NTM: variants seen among roughly 807,000 people sequenced by gnomAD.
NTM encodes IgLON family member 2.
In NTM, 13 loss-of-function variants were observed where a neutral mutation model predicts 42.1. The ratio of observed to expected loss-of-function variants is 0.31; its 90% confidence interval spans 0.20 to 0.49. The LOEUF (loss-of-function observed/expected upper bound fraction) is 0.49, where lower values mean the gene tolerates loss of function less well. NTM is among the 20% of genes least tolerant of loss of function. The pLI is 0.99. For synonymous variants in NTM, 187 were observed against 179.2 expected (o/e 1.04, Z -0.35); for missense variants, 373 against 452.8 (o/e 0.82, Z 1.60).
chr11:131,985,904 A>G (rs1379579005), intron 2 of NTM, among the ~76,000 whole-genome samples: 5 of 152,216 alleles, frequency 3.3e-5, no homozygotes, highest in Admixed American at 1.3e-4. Flanking sequence ...GACACAGCAC[A>G]TAGTGAGTGT....
At chr11:132,104,322 C>T (rs954310073) in intron 2 of NTM, among the ~76,000 whole-genome samples, 25 of 152,126 alleles carry the variant, frequency 1.6e-4, no homozygotes, top group African/African-American at 5.1e-4. Flanking sequence ...TCCCTCCTTC[C>T]TTCCTTCCTC....
chr11:131,583,403 A>G (rs2058588123), intron 1 of NTM, among the ~76,000 whole-genome samples: 1 of 152,244 alleles, frequency 6.6e-6, no homozygotes, highest in South Asian at 2.1e-4. Context: ...TATCTTCTTC[A>G]TAAAATATTA....
intron 2 of NTM, among the ~76,000 whole-genome samples, chr11:132,013,293 A>T (rs988638008): frequency 6.6e-6 from 1 of 152,180 alleles, no homozygotes; most frequent in Non-Finnish European, 1.5e-5. Flanking sequence ...AAAGATTTTT[A>T]AGAGGGGACC....
intron 8 of NTM, chr11:132,332,596 ACT>A (rs2095819991): frequency 6.6e-6 from 1 of 152,176 alleles, no homozygotes; most frequent in South Asian, 2.1e-4. Flanking sequence ...CCACAAAAGA[ACT>A]CTGAGGGGCG....
At chr11:131,575,949 A>C (rs532365446) in intron 1 of NTM, among the ~76,000 whole-genome samples, 2 of 152,224 alleles carry the variant, frequency 1.3e-5, no homozygotes, top group South Asian at 4.1e-4. Flanking sequence ...TTCTAATACC[A>C]GGGTTAAAAT....
intron 4 of NTM, among the ~76,000 whole-genome samples, chr11:132,228,626 T>C (rs1319992220): frequency 5.3e-5 from 8 of 152,226 alleles, no homozygotes; most frequent in African/African-American, 1.9e-4. Context: ...CTCATGGCTC[T>C]TGAGAAATTA....
At chr11:131,802,801 C>A (rs1405396170) in intron 1 of NTM, among the ~76,000 whole-genome samples, 1 of 152,234 alleles carries the variant, frequency 6.6e-6, no homozygotes, top group African/African-American at 2.4e-5. Context: ...GAAACAAAAA[C>A]TCAGTGTTAT....
chr11:131,616,863 A>G (rs1218424332), intron 1 of NTM, among the ~76,000 whole-genome samples: 1 of 151,406 alleles, frequency 6.6e-6, no homozygotes, highest in Non-Finnish European at 1.5e-5. Flanking sequence ...CCTTCCCTTC[A>G]TGCAGCCCTC....
chr11:132,082,256 G>A (rs549479250), intron 2 of NTM, among the ~76,000 whole-genome samples: 1 of 152,114 alleles, frequency 6.6e-6, no homozygotes, highest in African/African-American at 2.4e-5. Flanking sequence ...CGGACACATT[G>A]AAAGGTGAGG....
intron 1 of NTM, among the ~76,000 whole-genome samples, chr11:131,607,954 G>A (rs1488187619): frequency 6.6e-6 from 1 of 151,920 alleles, no homozygotes; most frequent in Non-Finnish European, 1.5e-5. Flanking sequence ...TGCACAACGT[G>A]CAGGTTTGTT....
At chr11:132,162,185 G>T (rs2074424826) in intron 3 of NTM, among the ~76,000 whole-genome samples, 1 of 149,606 alleles carries the variant, frequency 6.7e-6, no homozygotes, top group Non-Finnish European at 1.5e-5. Flanking sequence ...GTGTTTTGGG[G>T]GGAGTGTGTA....
intron 4 of NTM, among the ~76,000 whole-genome samples, chr11:132,245,881 A>G (rs554606961): frequency 6.6e-6 from 1 of 152,098 alleles, no homozygotes; most frequent in South Asian, 2.1e-4. Flanking sequence ...GTGCAGAGAG[A>G]CTCGGGGAGC....
chr11:131,394,111 A>G (rs1318371304), intron 1 of NTM, among the ~76,000 whole-genome samples: 1 of 152,342 alleles, frequency 6.6e-6, no homozygotes, highest in African/African-American at 2.4e-5. Context: ...CGATTTTCCA[A>G]TCAGCTGAAA....
chr11:131,541,130 T>G (rs1191938749), intron 1 of NTM, among the ~76,000 whole-genome samples: 1 of 152,212 alleles, frequency 6.6e-6, no homozygotes, highest in Non-Finnish European at 1.5e-5. Flanking sequence ...ATGAGAGGTC[T>G]AAAGGAGGCC....
At chr11:132,012,081 T>A (rs1386125588) in intron 2 of NTM, among the ~76,000 whole-genome samples, 1 of 152,222 alleles carries the variant, frequency 6.6e-6, no homozygotes, top group Non-Finnish European at 1.5e-5. Context: ...GAAGCGATGC[T>A]CTTTGATTCA....
At chr11:131,690,875 C>T (rs2074583573) in intron 1 of NTM, among the ~76,000 whole-genome samples, 1 of 152,182 alleles carries the variant, frequency 6.6e-6, no homozygotes. Context: ...CACCCCGTCA[C>T]TTCCCCATCA....
At chr11:132,318,730 A>T (rs1446344698) in intron 7 of NTM, among the ~76,000 whole-genome samples, 2 of 152,096 alleles carry the variant, frequency 1.3e-5, no homozygotes, top group African/African-American at 2.4e-5. Flanking sequence ...AGGGAGGGGA[A>T]TGCTTCTCCC....
chr11:132,075,498 C>A (rs1048745028), intron 2 of NTM, among the ~76,000 whole-genome samples: 1 of 136,898 alleles, frequency 7.3e-6, no homozygotes, highest in Non-Finnish European at 1.6e-5. Context: ...CTAAGGTTAG[C>A]AAACATTTTG....
rs139322259 is a variant in NTM, at chr11:131,979,827, T to A, written c.167+68179T>A. Among the ~76,000 whole-genome samples, 446 of 152,364 alleles carry A rather than the reference T, an allele frequency of 2.9e-3. 1 individual carries two copies. The highest frequency in any genetic ancestry group is 9.3e-3 in the African/African-American group (386 of 41,590). On this transcript the variant is annotated intron_variant, in intron 2 of 8. Coordinates refer to ENST00000683400, the MANE Select transcript of NTM (RefSeq NM_001352005.2). ...ATTCACAAGTCTATGGATATGATAA[T>A]GGAACTAGTGACATCTAATTACTAA...
Sources: gnomAD v4.1 joint callset for allele counts (sites outside exome capture counted in the v4.1 genomes callset) on GRCh38, gnomAD v4.1.1 for gene constraint, MANE v1.5 for transcripts, NCBI Gene and HGNC (gene_info 2026-07-23, HGNC 2026-07-21) for gene names.